RUNX2: variants seen among roughly 807,000 people sequenced by gnomAD.
The protein encoded by RUNX2 is RUNX family transcription factor 2, also known as runt-related transcription factor 2.
Under a neutral mutation model 51.7 loss-of-function variants are expected in RUNX2, and 10 were observed. The ratio of observed to expected loss-of-function variants is 0.19; its 90% CI spans 0.12 to 0.33. The LOEUF is 0.33. Ranked by LOEUF, RUNX2 falls within the 10% of genes least tolerant of loss-of-function variation. RUNX2 has a pLI of 1.00. For synonymous variants in RUNX2, 276 were observed against 273.6 expected (o/e 1.01, Z -0.09); for missense variants, 562 against 691.3 (o/e 0.81, Z 2.10).
chr6:45,386,340 T>C (rs1797348248), intron 2 of RUNX2, among the ~76,000 whole-genome samples: 1 of 152,214 alleles, frequency 6.6e-6, no homozygotes, highest in Non-Finnish European at 1.5e-5. Context: ...GTGCTGGGAT[T>C]ACAAGCATGA....
intron 2 of RUNX2, among the ~76,000 whole-genome samples, chr6:45,336,737 A>T (rs1788638849): frequency 6.6e-6 from 1 of 151,460 alleles, no homozygotes; most frequent in Non-Finnish European, 1.5e-5. Context: ...AAGTAAATAC[A>T]TATTAGATGT....
chr6:45,465,411 G>A lies in RUNX2; in HGVS notation c.686-26530G>A, dbSNP rs115292618. On this transcript the variant is annotated intron_variant, in intron 5 of 8. Transcript: ENST00000647337. ...GGATAATAAATATTATTGGTCAAGA[G>A]TCCTATTCTCAAAGGACTCTAATTT... 6.3e-3 allele frequency among the ~76,000 whole-genome samples: 965 copies of A among 152,024 alleles called. 9 individuals are homozygous for A. The highest frequency in any genetic ancestry group is 0.022 in the African/African-American group (902 of 41,478).
At chr6:45,509,733 A>G (rs1801085789) in intron 6 of RUNX2, among the ~76,000 whole-genome samples, 2 of 152,236 alleles carry the variant, frequency 1.3e-5, no homozygotes, top group African/African-American at 4.8e-5. Context: ...CTTTCTGCAC[A>G]AGGAGAACTG....
chr6:45,444,337 G>A (rs1330186776), intron 5 of RUNX2, among the ~76,000 whole-genome samples: 2 of 152,208 alleles, frequency 1.3e-5, no homozygotes, highest in Non-Finnish European at 2.9e-5. Context: ...TTCCTGCCAG[G>A]GCACTGGCAT....
At chr6:45,400,030 G>A (rs1215457009) in intron 2 of RUNX2, among the ~76,000 whole-genome samples, 4 of 139,130 alleles carry the variant, frequency 2.9e-5, no homozygotes, top group Non-Finnish European at 6.3e-5. Flanking sequence ...AGGAGGGAGG[G>A]AGGGAAGGAA....
rs1801124038 is a variant in RUNX2 at position 45,510,921 on chromosome 6, TAAGCCAAGGTTACACAGAAAGA to T, written c.860-1323_860-1302del. 2.0e-5 allele frequency among the ~76,000 whole-genome samples: 3 copies of T among 152,116 alleles called. No individual in the cohort carries two copies. In the South Asian group the frequency reaches 6.2e-4, roughly 32 times the overall value. On this transcript the variant is annotated intron_variant, in intron 6 of 8. Coordinates refer to ENST00000647337, the MANE Select transcript of RUNX2 (RefSeq NM_001024630.4). ...CTGAGGCTCAGAGTGACTGAGTAAT[TAAGCCAAGGTTACACAGAAAGA>T]AGAAGTCTCAGAACTTGGACCTAAT...
In RUNX2 at chr6:45,549,496, A is replaced by G. The variant is rs1413162026; in HGVS notation, c.*2191A>G. ...CCAAGTATGCTTAGATAAATAAGCC[A>G]CTTTTCTATTACTTAAGTAAGAAGG... On this transcript the variant is annotated 3_prime_UTR_variant, in exon 9 of 9. Coordinates refer to ENST00000647337, the MANE Select transcript of RUNX2 (RefSeq NM_001024630.4). The G allele has an allele frequency of 2.5e-6, 1 of 397,570 alleles. No homozygotes were observed. Among genetic ancestry groups the G allele is most frequent in the African/African-American group, 2.1e-5 (1 of 48,646 alleles). 24.6% of individuals were successfully genotyped at this position (397,570 alleles called of 1,614,324 possible).
chr6:45,510,736 A>C (rs1490835321), intron 6 of RUNX2, among the ~76,000 whole-genome samples: 2 of 151,232 alleles, frequency 1.3e-5, no homozygotes, highest in African/African-American at 4.8e-5. Context: ...TGTCACCCAG[A>C]GTTTTTTTTT....
At chr6:45,449,201 C>T (rs1400351968) in intron 5 of RUNX2, among the ~76,000 whole-genome samples, 1 of 152,208 alleles carries the variant, frequency 6.6e-6, no homozygotes, top group Non-Finnish European at 1.5e-5. Context: ...CTAAACTTTT[C>T]TCTACTTCTA....
At chr6:45,406,603 G>A (rs529002455) in intron 2 of RUNX2, among the ~76,000 whole-genome samples, 1 of 152,164 alleles carries the variant, frequency 6.6e-6, no homozygotes, top group African/African-American at 2.4e-5. Flanking sequence ...ATGGGGTTTT[G>A]CCATGTTGGC....
At chr6:45,335,312 C>T (rs1788336993) in intron 2 of RUNX2, among the ~76,000 whole-genome samples, 1 of 151,102 alleles carries the variant, frequency 6.6e-6, no homozygotes, top group South Asian at 2.1e-4. Context: ...TGTGAATTTA[C>T]TTTGAAGCTT....
At chr6:45,428,594 T>C (rs574248570) in intron 3 of RUNX2, among the ~76,000 whole-genome samples, 2 of 152,290 alleles carry the variant, frequency 1.3e-5, no homozygotes, top group African/African-American at 4.8e-5. Context: ...TTGTGATTAT[T>C]TATTTGTTTT....
intron 7 of RUNX2, among the ~76,000 whole-genome samples, chr6:45,523,848 C>T (rs2150432612): frequency 6.6e-6 from 1 of 152,018 alleles, no homozygotes; most frequent in East Asian, 2.0e-4. Context: ...AGGAGAATCA[C>T]TTGAACCCGG....
chr6:45,389,230 A>G (rs1274470387), intron 2 of RUNX2, among the ~76,000 whole-genome samples: 1 of 152,232 alleles, frequency 6.6e-6, no homozygotes, highest in Non-Finnish European at 1.5e-5. Context: ...TGTGATTTTT[A>G]TATTGCATAC....
At chr6:45,419,140 C>T (rs1798123109) in intron 2 of RUNX2, among the ~76,000 whole-genome samples, 3 of 152,062 alleles carry the variant, frequency 2.0e-5, no homozygotes, top group Admixed American at 2.0e-4. Flanking sequence ...TTTGGAAAGC[C>T]CCTCTGGTGG....
chr6:45,340,598 A>G (rs570818751), intron 2 of RUNX2, among the ~76,000 whole-genome samples: 3 of 152,234 alleles, frequency 2.0e-5, no homozygotes, highest in East Asian at 3.9e-4. Flanking sequence ...TGCTGAGATT[A>G]TAAGCATAAG....
chr6:45,348,674 C>CAAAAAAA (rs574845659), intron 2 of RUNX2, among the ~76,000 whole-genome samples: 1 of 76,030 alleles, frequency 1.3e-5, no homozygotes, highest in African/African-American at 6.1e-5. Context: ...AACTCCAACT[C>CAAAAAAA]AAAAAAAAAA....
rs886061502 is a variant in RUNX2, at chr6:45,549,623, A to T, written c.*2318A>T. 1 of 369,408 alleles carries T rather than the reference A, an allele frequency of 2.7e-6. No individual in the cohort carries two copies. The highest frequency in any genetic ancestry group is 4.8e-6 in the Non-Finnish European group (1 of 208,142). The allele number at this position is 369,408 out of a possible 1,614,324, so 22.9% of individuals were successfully genotyped here. A position where few individuals can be genotyped will look rare whatever the true frequency, so the allele number is the denominator to read the frequency against. ...AAATATGTGTGTTTGTTTCAGCAGC[A>T]CTTAAAAAAGCCAGTGTCTGGTTAC... On this transcript the variant is annotated 3_prime_UTR_variant, in exon 9 of 9. Transcript: ENST00000647337.
intron 7 of RUNX2, among the ~76,000 whole-genome samples, chr6:45,543,689 A>G (rs945572889): frequency 2.6e-5 from 4 of 152,150 alleles, no homozygotes; most frequent in Non-Finnish European, 5.9e-5. Context: ...TTGTGGCTAC[A>G]ATGTGGTTGG....
Sources: gnomAD v4.1 joint callset for allele counts (sites outside exome capture counted in the v4.1 genomes callset) on GRCh38, gnomAD v4.1.1 for gene constraint, MANE v1.5 for transcripts, NCBI Gene and HGNC (gene_info 2026-07-23, HGNC 2026-07-21) for gene names.